The following LANCL3 variants were observed in gnomAD, a reference collection of about 807,000 sequenced individuals.
LANCL3 encodes LanC like family member 3, also known as lanC-like protein 3.
In LANCL3, 19 loss-of-function variants were observed where a neutral mutation model predicts 26.5. The observed-to-expected ratio is 0.72, with a 90% CI of 0.50 to 1.05. LANCL3 has a LOEUF of 1.05. Ranked by LOEUF, LANCL3 falls within the 50% of genes least tolerant of loss-of-function variation. The pLI is 0.00. For synonymous variants in LANCL3, 160 were observed against 166.6 expected, an observed-to-expected ratio of 0.96 and a Z score of 0.30; for missense variants, 318 against 362.7, an observed-to-expected ratio of 0.88 and a Z score of 1.00.
At chrX:37,645,167 G>A (rs907530552) in intron 1 of LANCL3, among the ~76,000 whole-genome samples, 1 of 112,271 alleles carries the variant, frequency 8.9e-6, no homozygotes, top group Admixed American at 9.5e-5. Flanking sequence ...TAAGAATGGG[G>A]TAAAACCTGT....
At chrX:37,648,178 C>A (rs1420284600) in intron 1 of LANCL3, among the ~76,000 whole-genome samples, 1 of 112,292 alleles carries the variant, frequency 8.9e-6, no homozygotes, top group Admixed American at 9.4e-5. Flanking sequence ...AAAAAATCAA[C>A]CTTTCCTTTA....
chrX:37,626,747 G>A (rs1925326015), intron 1 of LANCL3, among the ~76,000 whole-genome samples: 1 of 111,676 alleles, frequency 9.0e-6, no homozygotes, highest in Non-Finnish European at 1.9e-5. Context: ...TTTTCATATA[G>A]TGTTTCTGCT....
chrX:37,578,162 CT>C (rs1158398312), intron 1 of LANCL3, among the ~76,000 whole-genome samples: 8 of 112,035 alleles, frequency 7.1e-5, no homozygotes, highest in African/African-American at 9.7e-5. Flanking sequence ...AGGTCTGAGG[CT>C]TTTTTTCCCC....
intron 1 of LANCL3, among the ~76,000 whole-genome samples, chrX:37,636,388 A>C (rs781915992): frequency 5.3e-5 from 6 of 112,416 alleles, no homozygotes; most frequent in Admixed American, 2.8e-4. Flanking sequence ...GAAGTCACCA[A>C]ACTGCTTTCC....
chrX:37,637,427 A>G (rs1260618777), intron 1 of LANCL3, among the ~76,000 whole-genome samples: 3 of 111,744 alleles, frequency 2.7e-5, no homozygotes, highest in Non-Finnish European at 5.6e-5. Flanking sequence ...CTAGCTAATG[A>G]CATGTCAGTG....
rs1322383544 is a variant in LANCL3 at position 37,682,697 on chromosome X, G to GT, written c.*6890dup. 1 of 112,225 alleles carries GT rather than the reference G, an allele frequency of 8.9e-6. No individual in the cohort carries two copies. Among genetic ancestry groups the GT allele is most frequent in the Non-Finnish European group, 1.9e-5 (1 of 53,221 alleles). 9.2% of individuals were successfully genotyped at this position (112,225 alleles called of 1,213,427 possible). On this transcript the variant is annotated 3_prime_UTR_variant, in exon 5 of 5. Transcript: ENST00000378619. Reference sequence around the variant, plus strand: ...GATTTAGATCATCCGTTTTGTCTTTGTTTTTTAGGACTTTGCTATTTCAAT... The same window carrying GT: ...GATTTAGATCATCCGTTTTGTCTTTGTTTTTTTAGGACTTTGCTATTTCAAT...
intron 1 of LANCL3, among the ~76,000 whole-genome samples, chrX:37,654,445 C>T (rs990878431): frequency 4.5e-5 from 5 of 112,157 alleles, no homozygotes; most frequent in African/African-American, 1.6e-4. Flanking sequence ...TCAGACTAAA[C>T]TTAGATGTTT....
intron 1 of LANCL3, among the ~76,000 whole-genome samples, chrX:37,636,320 G>A (rs1208147679): frequency 9.0e-6 from 1 of 111,601 alleles, no homozygotes; most frequent in East Asian, 2.8e-4. Context: ...ATTCCTTTGG[G>A]TATATACCCA....
At chrX:37,584,719 C>T (rs1330733242) in intron 1 of LANCL3, among the ~76,000 whole-genome samples, 12 of 110,896 alleles carry the variant, frequency 1.1e-4, no homozygotes, top group Admixed American at 2.9e-4. Context: ...GTCTTGCTAG[C>T]GGTCTATCAA....
intron 1 of LANCL3, among the ~76,000 whole-genome samples, chrX:37,610,923 C>T (rs782783477): frequency 4.5e-5 from 5 of 111,669 alleles, no homozygotes; most frequent in Non-Finnish European, 9.4e-5. Flanking sequence ...GTTTATTTGA[C>T]AGGTGATCCC....
chrX:37,586,786 T>C (rs1279538667), intron 1 of LANCL3, among the ~76,000 whole-genome samples: 1 of 112,336 alleles, frequency 8.9e-6, no homozygotes, highest in East Asian at 2.8e-4. Context: ...TGAAGCCTTC[T>C]TCTCTCAACT....
intron 1 of LANCL3, among the ~76,000 whole-genome samples, chrX:37,584,423 A>G (rs1464339259): frequency 1.8e-5 from 2 of 110,036 alleles, no homozygotes; most frequent in African/African-American, 3.4e-5. Context: ...CTCTGGTAGA[A>G]TTCGGCTGTG....
At position 37,588,329 on chromosome X, in the gene LANCL3, C is replaced by G. The variant is rs151312352; in HGVS notation, c.573+15886C>G. On this transcript the variant is annotated intron_variant, in intron 1 of 4. Transcript: ENST00000378619. ...CTGGTTCAACAGTTCGTGATGTGTC[C>G]AAGTCTTTCTCTTCATGATTCAACT... Among the ~76,000 whole-genome samples, 302 of 111,173 alleles carry G rather than the reference C, an allele frequency of 2.7e-3. 2 individuals are homozygous for G. Among genetic ancestry groups the G allele is most frequent in the African/African-American group, 8.5e-3 (260 of 30,536 alleles).
At chrX:37,632,058 A>G (rs1188846968) in intron 1 of LANCL3, among the ~76,000 whole-genome samples, 3 of 110,940 alleles carry the variant, frequency 2.7e-5, no homozygotes, top group Non-Finnish European at 5.7e-5. Flanking sequence ...TGGGGTGTTA[A>G]AGTCTCCCAT....
chrX:37,582,910 G>A (rs200963560), intron 1 of LANCL3, among the ~76,000 whole-genome samples: 1 of 111,827 alleles, frequency 8.9e-6, no homozygotes, highest in African/African-American at 3.3e-5. Context: ...GTCCTGAATG[G>A]TATTACCTAG....
rs781982999 is a variant in LANCL3, at chrX:37,651,506, A to G, written c.574-4182A>G. Among the ~76,000 whole-genome samples, 4 of 111,781 alleles carry G rather than the reference A, an allele frequency of 3.6e-5. No individual in the cohort carries two copies. The East Asian group carries it at 8.3e-4, about 23-fold the overall frequency. On this transcript the variant is annotated intron_variant, in intron 1 of 4. Coordinates refer to ENST00000378619, the MANE Select transcript of LANCL3 (RefSeq NM_001170331.2). ...AAGACTTACCAATATTAGAAAATAGAAATAATGTGAATATGCACACTCACA... is the reference window on the plus strand; with the variant it reads ...AAGACTTACCAATATTAGAAAATAGGAATAATGTGAATATGCACACTCACA...
In LANCL3 at chrX:37,572,151, G is replaced by C; in HGVS notation, c.281G>C (p.Arg94Pro). The C allele has an allele frequency of 8.4e-7, 1 of 1,193,085 alleles. No homozygotes were observed. Among genetic ancestry groups the C allele is most frequent in the Non-Finnish European group, 1.1e-6 (1 of 891,708 alleles). Reference sequence around the variant, plus strand: ...GCCACGGCCCGGGAACGCTACCTGCGCTCGGCTAAGCGCCTCATCGACGCG... The same window carrying C: ...GCCACGGCCCGGGAACGCTACCTGCCCTCGGCTAAGCGCCTCATCGACGCG... Reference protein sequence around the residue: ...LFATARERYLRSAKRLIDACA... With the variant: ...LFATARERYLPSAKRLIDACA... The change falls in exon 1 of 5, where the codon CGC becomes CCC. Residue 94 changes from arginine (R) to proline (P), a missense_variant. Transcript: ENST00000378619.
At chrX:37,668,500 T>A in intron 4 of LANCL3, 1 of 316,175 alleles carries the variant, frequency 3.2e-6, no homozygotes, top group Non-Finnish European at 5.9e-6. Flanking sequence ...CTCTAAATAA[T>A]CTGATAGAAA....
chrX:37,585,910 G>A (rs1310683669), intron 1 of LANCL3, among the ~76,000 whole-genome samples: 1 of 111,860 alleles, frequency 8.9e-6, no homozygotes, highest in Non-Finnish European at 1.9e-5. Context: ...TTTACAATTT[G>A]GCATGTTTTT....
Sources: allele counts gnomAD v4.1 joint callset (sites outside exome capture counted in the v4.1 genomes callset), GRCh38; gene constraint gnomAD v4.1.1; transcripts MANE v1.5; gene names NCBI Gene and HGNC (gene_info 2026-07-23, HGNC 2026-07-21).